Variants in KCNQ1OT1 observed in about 807,000 individuals in gnomAD.
The protein encoded by KCNQ1OT1 is KCNQ1 opposite strand/antisense transcript 1.
At position 2,690,849 on chromosome 11, in the gene KCNQ1OT1, C is replaced by G; in HGVS notation, n.9146G>C. On this transcript the variant is annotated non_coding_transcript_exon_variant, in exon 1 of 1. Transcript: ENST00000597346. This position sits in a 1 kb window ranked among gnomAD's most constrained non-coding sequence, Gnocchi z 5.1. ...GCTCTGGCACTCCCACTGTTAGGAA[C>G]AGGTACCTTTAGGGACACAGGAGTG... is the stretch of plus-strand genomic sequence containing the variant. The G allele has an allele frequency of 2.5e-6, 1 of 398,598 alleles. No homozygotes were observed. 24.7% of individuals were successfully genotyped at this position (398,598 alleles called of 1,614,324 possible).
chr11:2,659,010 C>G lies in KCNQ1OT1; in HGVS notation n.40985G>C. ...CAGTGTTTTTGAAAGCAACATATGCCAGCTCCTCCTCCTCCTTTCCTTTCA... is the reference window on the plus strand; with the variant it reads ...CAGTGTTTTTGAAAGCAACATATGCGAGCTCCTCCTCCTCCTTTCCTTTCA... On this transcript the variant is annotated non_coding_transcript_exon_variant, in exon 1 of 1. Transcript: ENST00000597346. The surrounding 1 kb of genome is among the most constrained non-coding windows in gnomAD (Gnocchi z 4.3). The G allele has an allele frequency of 2.5e-6, 1 of 398,572 alleles. No individual in the cohort carries two copies. Among genetic ancestry groups the G allele is most frequent in the East Asian group, 3.6e-5 (1 of 28,078 alleles). 24.7% of individuals were successfully genotyped at this position (398,572 alleles called of 1,614,324 possible).
At chr11:2,667,936 G>A (rs2133864827) in exon 1 of KCNQ1OT1, 1 of 398,694 alleles carries the variant, frequency 2.5e-6, no homozygotes, top group Non-Finnish European at 4.4e-6. Context: ...GCAGCACCCG[G>A]AGGAAGCAAC....
At chr11:2,641,743 C>T in exon 1 of KCNQ1OT1, 1 of 398,340 alleles carries the variant, frequency 2.5e-6, no homozygotes, top group East Asian at 3.6e-5. Context: ...CCAATGTCTC[C>T]TTCATTAATA....
Position 2,694,757 on chromosome 11 carries a change from A to G in KCNQ1OT1, n.5238T>C, listed in dbSNP as rs138463957. The G allele has an allele frequency of 7.7e-4, 306 of 398,556 alleles. 3 individuals carry two copies. The East Asian group carries it at 0.011, about 14-fold the overall frequency. The allele number at this position is 398,556 out of a possible 1,614,324, so 24.7% of individuals were successfully genotyped here. On this transcript the variant is annotated non_coding_transcript_exon_variant, in exon 1 of 1. Transcript: ENST00000597346. Reference sequence around the variant, plus strand: ...CAAATAAGTAGATGTCTAAGGAACTAGAAAAGCGTAGCCTGTGCTTTGCAG... The same window carrying G: ...CAAATAAGTAGATGTCTAAGGAACTGGAAAAGCGTAGCCTGTGCTTTGCAG...
exon 1 of KCNQ1OT1, chr11:2,615,246 T>G: frequency 2.5e-6 from 1 of 398,186 alleles, no homozygotes; most frequent in African/African-American, 2.1e-5. Flanking sequence ...AAATAAATGT[T>G]GAACATGTAC....
In KCNQ1OT1 at chr11:2,676,820, C is replaced by T; in HGVS notation, n.23175G>A. 2.5e-6 allele frequency: 1 copy of T among 398,586 alleles called. No homozygotes were observed. The highest frequency in any genetic ancestry group is 4.4e-6 in the Non-Finnish European group (1 of 226,076). The allele number at this position is 398,586 out of a possible 1,614,324, so 24.7% of individuals were successfully genotyped here. On this transcript the variant is annotated non_coding_transcript_exon_variant, in exon 1 of 1. Transcript: ENST00000597346. This position sits in a 1 kb window ranked among gnomAD's most constrained non-coding sequence, Gnocchi z 4.2. ...GCCAGTGTATTGTGCTGGGATCTACCACAGGGGTCATGTTGTAATGACACC... is the reference window on the plus strand; with the variant it reads ...GCCAGTGTATTGTGCTGGGATCTACTACAGGGGTCATGTTGTAATGACACC...
In KCNQ1OT1 at chr11:2,651,726, T is replaced by C. The variant is rs934280634; in HGVS notation, n.48269A>G. ...ATTTCCTAAGTAAGCATCATCCTCA[T>C]TTCTATACGTTTTCTCTGATTACTG... On this transcript the variant is annotated non_coding_transcript_exon_variant, in exon 1 of 1. Coordinates refer to ENST00000597346, the Ensembl canonical transcript of KCNQ1OT1. The surrounding 1 kb of genome is among the most constrained non-coding windows in gnomAD (Gnocchi z 6.1). 6 of 398,496 alleles carry C rather than the reference T, an allele frequency of 1.5e-5. No homozygotes were observed. Among genetic ancestry groups the C allele is most frequent in the Admixed American group, 4.4e-5 (1 of 22,716 alleles). 24.7% of individuals were successfully genotyped at this position (398,496 alleles called of 1,614,324 possible).
chr11:2,625,656 A>T (rs147284711), exon 1 of KCNQ1OT1: 5 of 395,384 alleles, frequency 1.3e-5, no homozygotes, highest in Non-Finnish European at 2.2e-5. Context: ...GCTTACTGCA[A>T]CCTCTGCCTC....
At chr11:2,699,321 A>T (rs953996638) in exon 1 of KCNQ1OT1, 2 of 399,010 alleles carry the variant, frequency 5.0e-6, no homozygotes, top group Non-Finnish European at 8.8e-6. Flanking sequence ...CGGGGCACAC[A>T]GCTCACCTCA....
chr11:2,646,168 T>C, exon 1 of KCNQ1OT1: 2 of 398,680 alleles, frequency 5.0e-6, no homozygotes, highest in East Asian at 3.6e-5. Context: ...AGGCGATCTA[T>C]ATAAACTGTG....
chr11:2,657,003 G>A lies in KCNQ1OT1; in HGVS notation n.42992C>T, dbSNP rs1849862133. ...GTCCATGCTCTTCCCAGGATGTGCA[G>A]GCCACCTCTGATACACAGCAAGCTT... On this transcript the variant is annotated non_coding_transcript_exon_variant, in exon 1 of 1. Coordinates refer to ENST00000597346, the Ensembl canonical transcript of KCNQ1OT1. This position sits in a 1 kb window ranked among gnomAD's most constrained non-coding sequence, Gnocchi z 4.8. 5.0e-6 allele frequency: 2 copies of A among 398,576 alleles called. No homozygotes were observed. Among genetic ancestry groups the A allele is most frequent in the East Asian group, 7.1e-5 (2 of 28,072 alleles). 24.7% of individuals were successfully genotyped at this position (398,576 alleles called of 1,614,324 possible). A position where few individuals can be genotyped will look rare whatever the true frequency, so the allele number is the denominator to read the frequency against.
At position 2,677,923 on chromosome 11, in the gene KCNQ1OT1, C is replaced by T; in HGVS notation, n.22072G>A. 2 of 398,524 alleles carry T rather than the reference C, an allele frequency of 5.0e-6. No homozygotes were observed. Among genetic ancestry groups the T allele is most frequent in the Non-Finnish European group, 8.8e-6 (2 of 226,022 alleles). The allele number at this position is 398,524 out of a possible 1,614,324, so 24.7% of individuals were successfully genotyped here. A position where few individuals can be genotyped will look rare whatever the true frequency, so the allele number is the denominator to read the frequency against. On this transcript the variant is annotated non_coding_transcript_exon_variant, in exon 1 of 1. Transcript: ENST00000597346. The surrounding 1 kb of genome is among the most constrained non-coding windows in gnomAD (Gnocchi z 4.5). ...AAGTGTATACTCAGGTTTTTATCTT[C>T]ATTCATTTCATAGATGAGAAATGGT... is the stretch of plus-strand genomic sequence containing the variant.
Position 2,663,526 on chromosome 11 carries a change from C to A in KCNQ1OT1, n.36469G>T. The A allele has an allele frequency of 2.5e-6, 1 of 398,590 alleles. No homozygotes were observed. Among genetic ancestry groups the A allele is most frequent in the South Asian group, 1.3e-4 (1 of 7,844 alleles). The allele number at this position is 398,590 out of a possible 1,614,324, so 24.7% of individuals were successfully genotyped here. A position where few individuals can be genotyped will look rare whatever the true frequency, so the allele number is the denominator to read the frequency against. On this transcript the variant is annotated non_coding_transcript_exon_variant, in exon 1 of 1. Coordinates refer to ENST00000597346, the Ensembl canonical transcript of KCNQ1OT1. The surrounding 1 kb of genome is among the most constrained non-coding windows in gnomAD (Gnocchi z 5.2). ...TGCCTGTATTGCCTCTTGGCTGTCC[C>A]CTCAGAGAGGGGACTGTCCCTTCTC...
chr11:2,683,160 G>C lies in KCNQ1OT1; in HGVS notation n.16835C>G, dbSNP rs1850426963. The C allele has an allele frequency of 1.0e-5, 4 of 398,502 alleles. No individual in the cohort carries two copies. Among genetic ancestry groups the C allele is most frequent in the Non-Finnish European group, 1.8e-5 (4 of 226,088 alleles). 24.7% of individuals were successfully genotyped at this position (398,502 alleles called of 1,614,324 possible). ...GGGGATGGGCTAGCATTAGGAATGG[G>C]TATTAGCATCTGCATTAAAAGGCTC... On this transcript the variant is annotated non_coding_transcript_exon_variant, in exon 1 of 1. Transcript: ENST00000597346. This position sits in a 1 kb window ranked among gnomAD's most constrained non-coding sequence, Gnocchi z 4.7.
rs887820110 is a variant in KCNQ1OT1 at position 2,695,136 on chromosome 11, G to A, written n.4859C>T. The A allele has an allele frequency of 1.0e-4, 40 of 398,492 alleles. No homozygotes were observed. Among genetic ancestry groups the A allele is most frequent in the African/African-American group, 3.5e-4 (17 of 48,598 alleles). 24.7% of individuals were successfully genotyped at this position (398,492 alleles called of 1,614,324 possible). On this transcript the variant is annotated non_coding_transcript_exon_variant, in exon 1 of 1. Transcript: ENST00000597346. This position sits in a 1 kb window ranked among gnomAD's most constrained non-coding sequence, Gnocchi z 5.2. Reference sequence around the variant, plus strand: ...GAGAGTCATGGAGGCACATTCATTCGTTGGTTCTTGGCTTTTGGGACTCTG... The same window carrying A: ...GAGAGTCATGGAGGCACATTCATTCATTGGTTCTTGGCTTTTGGGACTCTG...
chr11:2,613,521 C>A lies in KCNQ1OT1; in HGVS notation n.86474G>T. The A allele has an allele frequency of 2.5e-6, 1 of 398,498 alleles. No individual in the cohort carries two copies. Among genetic ancestry groups the A allele is most frequent in the Non-Finnish European group, 4.4e-6 (1 of 226,042 alleles). 24.7% of individuals were successfully genotyped at this position (398,498 alleles called of 1,614,324 possible). A position where few individuals can be genotyped will look rare whatever the true frequency, so the allele number is the denominator to read the frequency against. On this transcript the variant is annotated non_coding_transcript_exon_variant, in exon 1 of 1. Transcript: ENST00000597346. This position sits in a 1 kb window ranked among gnomAD's most constrained non-coding sequence, Gnocchi z 4.8. ...CCCCTGAGCTTGGGTGGGGAGATGGCAGCCCCACGTTAAATCATAACCCTG... is the reference window on the plus strand; with the variant it reads ...CCCCTGAGCTTGGGTGGGGAGATGGAAGCCCCACGTTAAATCATAACCCTG...
At chr11:2,694,473 C>A in exon 1 of KCNQ1OT1, 1 of 398,636 alleles carries the variant, frequency 2.5e-6, no homozygotes, top group East Asian at 3.6e-5. Context: ...AACAAAGATA[C>A]ATCCTGTCCC....
At chr11:2,672,144 C>T (rs1306744697) in exon 1 of KCNQ1OT1, 2 of 398,604 alleles carry the variant, frequency 5.0e-6, no homozygotes, top group Non-Finnish European at 8.8e-6. Flanking sequence ...CTCTTTGGGC[C>T]TTTCAAAGTT....
rs1397670759 is a variant in KCNQ1OT1, at chr11:2,654,014, T to C, written n.45981A>G. The stretch of plus-strand genomic sequence containing the variant: ...ACTGGGTGCCAGCTGTGAATATACA[T>C]TTTCACTCCATTCCTCGCCTTGTTC... On this transcript the variant is annotated non_coding_transcript_exon_variant, in exon 1 of 1. Transcript: ENST00000597346. The surrounding 1 kb of genome is among the most constrained non-coding windows in gnomAD (Gnocchi z 6.4). 1 of 398,548 alleles carries C rather than the reference T, an allele frequency of 2.5e-6. No individual in the cohort carries two copies. Among genetic ancestry groups the C allele is most frequent in the Non-Finnish European group, 4.4e-6 (1 of 226,098 alleles). 24.7% of individuals were successfully genotyped at this position (398,548 alleles called of 1,614,324 possible).
Sources: gnomAD v4.1 joint callset for allele counts on GRCh38, gnomAD v4.1.1 for gene constraint, Gnocchi (gnomAD v3.1) non-coding constraint, MANE v1.5 for transcripts, NCBI Gene and HGNC (gene_info 2026-07-23, HGNC 2026-07-21) for gene names.